The following CAMTA1 variants were observed in gnomAD, a reference collection of about 807,000 sequenced individuals.
CAMTA1 encodes the protein calmodulin binding transcription activator 1.
Under a neutral mutation model 170.9 loss-of-function variants are expected in CAMTA1, and 27 were observed. That is an observed-to-expected ratio of 0.16 (90% confidence interval 0.12 to 0.22). The LOEUF (loss-of-function observed/expected upper bound fraction) is 0.22, where lower values mean the gene tolerates loss of function less well. Ranked by LOEUF, CAMTA1 falls within the 10% of genes least tolerant of loss-of-function variation. The probability of loss-of-function intolerance (pLI) is 1.00; values close to 1 mark genes in which losing one functional copy is unlikely to be tolerated. For missense variants in CAMTA1, 1,619 were observed against 2,217.2 expected (o/e 0.73, Z 5.42); for synonymous variants, 833 against 891.5 (o/e 0.93, Z 1.17).
chr1:7,657,815 T>A (rs889225515), intron 7 of CAMTA1, among the ~76,000 whole-genome samples: 1 of 152,138 alleles, frequency 6.6e-6, no homozygotes, highest in Non-Finnish European at 1.5e-5. Flanking sequence ...ATATTGGATG[T>A]GCCAAGACAG....
chr1:7,349,335 G>A (rs963782637), intron 5 of CAMTA1, among the ~76,000 whole-genome samples: 2 of 152,080 alleles, frequency 1.3e-5, no homozygotes, highest in Admixed American at 6.5e-5. Flanking sequence ...CCTTATGAGC[G>A]CACAGAGCCC....
chr1:6,838,455 G>T (rs11578279), intron 3 of CAMTA1, among the ~76,000 whole-genome samples: 11,296 of 152,242 alleles, frequency 0.074, 510 homozygotes, highest in Non-Finnish European at 0.1. Flanking sequence ...TTTCCAGGTA[G>T]AAGCATGAAG....
intron 4 of CAMTA1, among the ~76,000 whole-genome samples, chr1:7,238,482 C>T (rs965936370): frequency 2.0e-5 from 3 of 152,240 alleles, no homozygotes; most frequent in Admixed American, 6.5e-5. Context: ...ATGACCAAGA[C>T]TCGCTGCAGA....
intron 6 of CAMTA1, among the ~76,000 whole-genome samples, chr1:7,509,760 A>G (rs930601807): frequency 2.0e-5 from 3 of 152,130 alleles, no homozygotes; most frequent in Non-Finnish European, 4.4e-5. Flanking sequence ...CAGTCGGCCT[A>G]CAACAGAGAA....
intron 6 of CAMTA1, among the ~76,000 whole-genome samples, chr1:7,493,180 TACAA>T (rs1181777372): frequency 4.0e-5 from 4 of 98,828 alleles, no homozygotes; most frequent in African/African-American, 1.7e-4. Flanking sequence ...CGCACACAAA[TACAA>T]ACACGCACAC....
At chr1:7,595,187 G>A (rs2150518523) in intron 6 of CAMTA1, among the ~76,000 whole-genome samples, 1 of 152,280 alleles carries the variant, frequency 6.6e-6, no homozygotes, top group African/African-American at 2.4e-5. Flanking sequence ...GGCAGCCCTG[G>A]ATCATCATAT....
intron 4 of CAMTA1, among the ~76,000 whole-genome samples, chr1:7,241,870 G>T (rs1473552810): frequency 1.3e-5 from 2 of 152,092 alleles, no homozygotes; most frequent in African/African-American, 4.8e-5. Flanking sequence ...CATAAGACAT[G>T]TTTATTACCT....
intron 3 of CAMTA1, among the ~76,000 whole-genome samples, chr1:6,928,022 A>G (rs190104191): frequency 2.0e-5 from 3 of 152,218 alleles, no homozygotes; most frequent in Admixed American, 6.5e-5. Flanking sequence ...AGGAGGGGCC[A>G]GGCTCCACTC....
intron 4 of CAMTA1, among the ~76,000 whole-genome samples, chr1:7,168,268 C>G (rs959649300): frequency 6.6e-6 from 1 of 152,158 alleles, no homozygotes; most frequent in African/African-American, 2.4e-5. Context: ...GTAGATAATT[C>G]ACACTCAATG....
At chr1:7,284,805 G>A (rs1194036338) in intron 5 of CAMTA1, among the ~76,000 whole-genome samples, 4 of 152,212 alleles carry the variant, frequency 2.6e-5, no homozygotes, top group South Asian at 2.1e-4. Flanking sequence ...TCTTCAGGTC[G>A]TAACTCAACA....
intron 1 of CAMTA1, among the ~76,000 whole-genome samples, chr1:6,797,586 C>T (rs963248019): frequency 6.6e-6 from 1 of 151,810 alleles, no homozygotes; most frequent in Non-Finnish European, 1.5e-5. Context: ...GGGGTTTTAC[C>T]ATGTTGGCCA....
rs566052712 is a variant in CAMTA1 at position 7,682,029 on chromosome 1, C to A, written c.2914+4296C>A. On this transcript the variant is annotated intron_variant, in intron 11 of 22. Transcript: ENST00000303635. The surrounding 1 kb of genome is among the most constrained non-coding windows in gnomAD (Gnocchi z 5.0). ...GGCCCTTCTTGGAACCCCACTAAGC[C>A]GCTTAGACTTAGACTCTATTTTCAG... Among the ~76,000 whole-genome samples, 1 of 152,016 alleles carries A rather than the reference C, an allele frequency of 6.6e-6. No individual in the cohort carries two copies. The highest frequency in any genetic ancestry group is 2.1e-4 in the South Asian group (1 of 4,788).
intron 6 of CAMTA1, among the ~76,000 whole-genome samples, chr1:7,501,137 A>G (rs1386078315): frequency 6.6e-6 from 1 of 152,122 alleles, no homozygotes; most frequent in African/African-American, 2.4e-5. Flanking sequence ...GAGTATGCTG[A>G]GTAAGCAGGT....
At chr1:7,387,707 G>A (rs2088172508) in intron 5 of CAMTA1, among the ~76,000 whole-genome samples, 2 of 152,330 alleles carry the variant, frequency 1.3e-5, no homozygotes, top group East Asian at 1.9e-4. Flanking sequence ...GATAGTGGGA[G>A]TTTGGACACA....
At chr1:7,670,801 G>C (rs531322509) in intron 9 of CAMTA1, 110 bp from the exon 10 acceptor site, 2 of 1,248,182 alleles carry the variant, frequency 1.6e-6, no homozygotes, top group African/African-American at 3.0e-5. Flanking sequence ...TCTGCATGGG[G>C]CGAGGGGTAC....
chr1:7,260,623 G>A (rs1022053820), intron 5 of CAMTA1, among the ~76,000 whole-genome samples: 3 of 152,212 alleles, frequency 2.0e-5, no homozygotes, highest in Non-Finnish European at 2.9e-5. Context: ...GACCAGGTGG[G>A]TTAAAGGATT....
intron 5 of CAMTA1, among the ~76,000 whole-genome samples, chr1:7,318,467 GACCCTT>G (rs1239868708): frequency 6.6e-6 from 1 of 152,104 alleles, no homozygotes; most frequent in African/African-American, 2.4e-5. Context: ...ATTTACAAGG[GACCCTT>G]ACCTTGGTTA....
rs138065201 is a variant in CAMTA1, at chr1:7,540,392, G to A, written c.510+72491G>A. ...TACCAGGAGAGAACCCTAACCTGGA[G>A]TCTCTCCATGAGCTCCTGGCTGAGT... On this transcript the variant is annotated intron_variant, in intron 6 of 22. Coordinates refer to ENST00000303635, the MANE Select transcript of CAMTA1 (RefSeq NM_015215.4). 1.3e-3 allele frequency among the ~76,000 whole-genome samples: 205 copies of A among 152,226 alleles called. 1 individual carries two copies. Among genetic ancestry groups the A allele is most frequent in the African/African-American group, 4.6e-3 (191 of 41,534 alleles).
At chr1:7,072,156 G>A (rs1024933327) in intron 3 of CAMTA1, among the ~76,000 whole-genome samples, 1 of 152,212 alleles carries the variant, frequency 6.6e-6, no homozygotes, top group Admixed American at 6.5e-5. Context: ...TTACTGTCAT[G>A]GCAATATGTC....
Sources: allele counts gnomAD v4.1 joint callset (sites outside exome capture counted in the v4.1 genomes callset), GRCh38; gene constraint gnomAD v4.1.1; non-coding constraint Gnocchi (gnomAD v3.1); transcripts MANE v1.5; gene names NCBI Gene and HGNC (gene_info 2026-07-23, HGNC 2026-07-21).